TMEM222: variants seen among roughly 807,000 people sequenced by gnomAD.
TMEM222 encodes chromosome 1 open reading frame 160.
In TMEM222, 18 loss-of-function variants were observed where a neutral mutation model predicts 25.1. That is an observed-to-expected ratio of 0.72 (90% CI 0.50 to 1.06). TMEM222 has a LOEUF of 1.06. Among genes scored for constraint, TMEM222 ranks in the 50% least tolerant of loss-of-function variants. TMEM222 has a pLI of 0.00. For synonymous variants in TMEM222, 131 were observed against 117.9 expected (o/e 1.11, Z -0.72); for missense variants, 296 against 293.7 (o/e 1.01, Z -0.06).
At position 27,335,545 on chromosome 1, in the gene TMEM222, C is replaced by T; in HGVS notation, c.*79C>T. 3 of 1,458,980 alleles carry T rather than the reference C, an allele frequency of 2.1e-6. No homozygotes were observed. Among genetic ancestry groups the T allele is most frequent in the Non-Finnish European group, 2.9e-6 (3 of 1,048,324 alleles). The allele number at this position is 1,458,980 out of a possible 1,614,324, so 90.4% of individuals were successfully genotyped here. On this transcript the variant is annotated 3_prime_UTR_variant, in exon 6 of 6. Coordinates refer to ENST00000374076, the MANE Select transcript of TMEM222 (RefSeq NM_032125.3). ...CCTTTTGGTTCCAGATTTTTTTCTC[C>T]TCACCCCAAAAGGCAGGGTTGGGCC...
intron 5 of TMEM222, chr1:27,334,496 C>A: frequency 7.6e-7 from 1 of 1,316,878 alleles, no homozygotes. Flanking sequence ...CCAAATGCAG[C>A]TCTGGCTCTT....
intron 5 of TMEM222, chr1:27,334,722 C>T (rs1348133310): frequency 1.5e-6 from 2 of 1,319,522 alleles, no homozygotes; most frequent in South Asian, 2.7e-5. Flanking sequence ...ACAGCATGGA[C>T]ACAGCAGAGC....
intron 1 of TMEM222, among the ~76,000 whole-genome samples, chr1:27,329,475 C>T (rs1008713800): frequency 5.3e-5 from 8 of 152,142 alleles, no homozygotes; most frequent in African/African-American, 1.9e-4. Flanking sequence ...TGCTATGTTA[C>T]GTACTCTGTG....
intron 1 of TMEM222, among the ~76,000 whole-genome samples, chr1:27,329,753 G>T (rs1376953569): frequency 6.6e-6 from 1 of 152,208 alleles, no homozygotes; most frequent in Admixed American, 6.5e-5. Flanking sequence ...GGCAAAGAAG[G>T]TTCCAAAAGT....
At chr1:27,325,762 C>T in intron 1 of TMEM222, 2 of 849,568 alleles carry the variant, frequency 2.4e-6, no homozygotes, top group Non-Finnish European at 2.1e-6. Context: ...TATGACGAGT[C>T]AGGCCCCTGT....
chr1:27,333,895 C>T (rs1415937635), intron 3 of TMEM222, 63 bp from the exon 4 acceptor site: 9 of 1,467,286 alleles, frequency 6.1e-6, no homozygotes, highest in Middle Eastern at 2.0e-4. Context: ...CCTCAGAGGA[C>T]GTGCGTAGAG....
At chr1:27,330,602 C>T (rs774723321) in intron 1 of TMEM222, 118 bp from the exon 2 acceptor site, 4 of 865,924 alleles carry the variant, frequency 4.6e-6, no homozygotes, top group Non-Finnish European at 7.7e-6. Flanking sequence ...CTAATGGCCA[C>T]CTGTCAATGA....
intron 2 of TMEM222, 71 bp from the exon 3 acceptor site, chr1:27,331,999 C>T (rs963157220): frequency 9.7e-6 from 15 of 1,552,424 alleles, no homozygotes; most frequent in African/African-American, 9.5e-5. Context: ...TGCACTTCTG[C>T]CACCTACCCA....
At chr1:27,326,436 A>G (rs1463682305) in intron 1 of TMEM222, among the ~76,000 whole-genome samples, 1 of 152,146 alleles carries the variant, frequency 6.6e-6, no homozygotes, top group Non-Finnish European at 1.5e-5. Context: ...AGGAGATGAG[A>G]ACAGATTTTG....
chr1:27,333,819 A>T, intron 3 of TMEM222, 139 bp from the exon 4 acceptor site: 3 of 690,674 alleles, frequency 4.3e-6, no homozygotes, highest in Non-Finnish European at 7.4e-6. Flanking sequence ...CTGCCACATA[A>T]CACTTGCCCC....
Position 27,334,570 on chromosome 1 carries a change from T to G in TMEM222, c.539+289T>G, listed in dbSNP as rs543923946. Reference sequence around the variant, plus strand: ...TTAGCCACAGCTGTCTCTGGTGAAATGCAGGCAATGATTCCGGCTCCTCAG... The same window carrying G: ...TTAGCCACAGCTGTCTCTGGTGAAAGGCAGGCAATGATTCCGGCTCCTCAG... On this transcript the variant is annotated intron_variant, in intron 5 of 5. Transcript: ENST00000374076. 4.6e-5 allele frequency: 67 copies of G among 1,443,190 alleles called. 1 individual carries two copies. In the East Asian group the frequency reaches 1.6e-3, roughly 36 times the overall value. The allele number at this position is 1,443,190 out of a possible 1,614,324, so 89.4% of individuals were successfully genotyped here. A position where few individuals can be genotyped will look rare whatever the true frequency, so the allele number is the denominator to read the frequency against.
intron 5 of TMEM222, chr1:27,335,026 A>G (rs1245162866): frequency 1.7e-5 from 6 of 347,066 alleles, no homozygotes; most frequent in African/African-American, 2.1e-5. Flanking sequence ...TGGCTTCCAT[A>G]CCCAAACTGC....
At chr1:27,328,619 C>G (rs1241679615) in intron 1 of TMEM222, among the ~76,000 whole-genome samples, 2 of 152,234 alleles carry the variant, frequency 1.3e-5, no homozygotes, top group African/African-American at 4.8e-5. Flanking sequence ...TCAGGACCTC[C>G]ATCATCTCTT....
At chr1:27,328,050 G>A (rs1187710028) in intron 1 of TMEM222, among the ~76,000 whole-genome samples, 1 of 152,254 alleles carries the variant, frequency 6.6e-6, no homozygotes. Context: ...TGGAGAGACA[G>A]CATATAAATA....
intron 1 of TMEM222, chr1:27,325,239 T>G (rs1489563526): frequency 2.2e-6 from 1 of 452,160 alleles, no homozygotes; most frequent in East Asian, 4.9e-5. Flanking sequence ...CAGCAGCACA[T>G]ATACTAAAAT....
Position 27,333,982 on chromosome 1 carries a change from G to T in TMEM222, c.336G>T (p.Gln112His). 2 of 1,614,140 alleles carry T rather than the reference G, an allele frequency of 1.2e-6. No individual in the cohort carries two copies. The highest frequency in any genetic ancestry group is 1.7e-6 in the Non-Finnish European group (2 of 1,180,006). Residue 112 changes from glutamine to histidine, a missense_variant, in exon 4 of 6, where the codon CAG becomes CAT. By Grantham distance (24) the Gln-to-His change is conservative. Transcript: ENST00000374076. ...GGTACTGGAAGTTGGACCCTGCTCA[G>T]GTCTATGCTAGCGGGCCCAACGCAT... is the stretch of plus-strand genomic sequence containing the variant. The part of the protein sequence containing the change: ...PAKYWKLDPA[Q>H]VYASGPNAWD...
chr1:27,335,517 A>G lies in TMEM222; in HGVS notation c.*51A>G. 9 of 1,587,226 alleles carry G rather than the reference A, an allele frequency of 5.7e-6. No homozygotes were observed. The highest frequency in any genetic ancestry group is 7.8e-6 in the Non-Finnish European group (9 of 1,156,586). On this transcript the variant is annotated 3_prime_UTR_variant, in exon 6 of 6. Coordinates refer to ENST00000374076, the MANE Select transcript of TMEM222 (RefSeq NM_032125.3). ...CCAGGGTCCCGAGGAAACAGCCGCC[A>G]TCCCTTTTGGTTCCAGATTTTTTTC...
rs1484222546 is a variant in TMEM222 at position 27,325,593 on chromosome 1, A to G, written c.194+3202A>G. On this transcript the variant is annotated intron_variant, in intron 1 of 5. Coordinates refer to ENST00000374076, the MANE Select transcript of TMEM222 (RefSeq NM_032125.3). ...CAGAGGCACCACCATGTACCCGGGC[A>G]TCACCGACAGGATGCAGAAGGAGAT... 27 of 984,692 alleles carry G rather than the reference A, an allele frequency of 2.7e-5. No homozygotes were observed. In the East Asian group the frequency reaches 6.4e-4, roughly 23 times the overall value. 61.0% of individuals were successfully genotyped at this position (984,692 alleles called of 1,614,324 possible).
At chr1:27,332,307 A>G in intron 3 of TMEM222, 1 of 705,004 alleles carries the variant, frequency 1.4e-6, no homozygotes, top group Non-Finnish European at 2.6e-6. Context: ...CTTTACCTGT[A>G]GACCATCTGG....
Sources: allele counts gnomAD v4.1 joint callset (sites outside exome capture counted in the v4.1 genomes callset), GRCh38; gene constraint gnomAD v4.1.1; transcripts MANE v1.5; gene names NCBI Gene and HGNC (gene_info 2026-07-23, HGNC 2026-07-21).